Variants in AFG2A observed in about 807,000 individuals in gnomAD.
AFG2A encodes AAA ATPase AFG2A.
the AFG2A span, among the ~76,000 whole-genome samples, chr4:122,955,638 A>T: frequency 6.7e-6 from 1 of 149,036 alleles, no homozygotes; most frequent in Non-Finnish European, 1.5e-5. Context: ...AAAAACAGTT[A>T]GGAAAAGAAA....
chr4:123,140,009 C>T, the AFG2A span, among the ~76,000 whole-genome samples: 1 of 152,000 alleles, frequency 6.6e-6, no homozygotes, highest in African/African-American at 2.4e-5. Context: ...AGATAGGTCA[C>T]TGAGAGATCA....
At chr4:123,269,023 A>C in the AFG2A span, among the ~76,000 whole-genome samples, 1 of 152,244 alleles carries the variant, frequency 6.6e-6, no homozygotes, top group Non-Finnish European at 1.5e-5. Context: ...TTATAAAAGC[A>C]AAGTATTGTC....
At chr4:123,186,748 T>G in the AFG2A span, among the ~76,000 whole-genome samples, 1 of 152,106 alleles carries the variant, frequency 6.6e-6, no homozygotes, top group African/African-American at 2.4e-5. Flanking sequence ...TGAATATATA[T>G]GAGGTTGGTG....
chr4:122,957,483 A>T, the AFG2A span, among the ~76,000 whole-genome samples: 1 of 152,236 alleles, frequency 6.6e-6, no homozygotes, highest in Non-Finnish European at 1.5e-5. Context: ...TAGAATAGGC[A>T]TAAGTGTATC....
chr4:123,155,116 T>G, the AFG2A span, among the ~76,000 whole-genome samples: 2 of 152,156 alleles, frequency 1.3e-5, no homozygotes, highest in African/African-American at 4.8e-5. Context: ...ACACAGAGTC[T>G]CACTCTCGCC....
chr4:123,007,598 GTGTGTGTGTGTA>G, the AFG2A span, among the ~76,000 whole-genome samples: 699 of 8,604 alleles, frequency 0.081, 14 homozygotes, highest in Non-Finnish European at 0.12. Flanking sequence ...GTGTGTGTGT[GTGTGTGTGTGTA>G]TATATATATA....
chr4:123,299,885 G>A, the AFG2A span, among the ~76,000 whole-genome samples: 3 of 152,262 alleles, frequency 2.0e-5, no homozygotes, highest in African/African-American at 7.2e-5. Context: ...ACCTTATCAA[G>A]TGATAATTTA....
chr4:123,091,616 T>TA, the AFG2A span, among the ~76,000 whole-genome samples: 1 of 152,302 alleles, frequency 6.6e-6, no homozygotes, highest in Admixed American at 6.5e-5. Context: ...TTAAAGTAAT[T>TA]AGAATAAAAA....
chr4:123,105,854 A>G, the AFG2A span, among the ~76,000 whole-genome samples: 42 of 152,360 alleles, frequency 2.8e-4, no homozygotes, highest in African/African-American at 9.9e-4. Flanking sequence ...GATGGAATCT[A>G]CTGGTGAAGA....
chr4:123,179,338 CTTAT>C, the AFG2A span, among the ~76,000 whole-genome samples: 1 of 147,532 alleles, frequency 6.8e-6, no homozygotes, highest in East Asian at 1.9e-4. Flanking sequence ...TACTTACTTA[CTTAT>C]ATATGTCTGT....
the AFG2A span, chr4:123,318,832 T>G: frequency 2.0e-5 from 3 of 151,906 alleles, no homozygotes; most frequent in East Asian, 5.8e-4. Context: ...GAATACATGG[T>G]ATATAGTTCA....
At chr4:123,046,562 G>T in the AFG2A span, among the ~76,000 whole-genome samples, 1 of 151,922 alleles carries the variant, frequency 6.6e-6, no homozygotes, top group Non-Finnish European at 1.5e-5. Flanking sequence ...ATATTTTGAT[G>T]TGTATACAAT....
chr4:123,205,321 T>C, the AFG2A span, among the ~76,000 whole-genome samples: 3 of 152,140 alleles, frequency 2.0e-5, no homozygotes. Context: ...TTAGTAGCTG[T>C]ATGAACCTGG....
At chr4:123,142,408 T>C in the AFG2A span, among the ~76,000 whole-genome samples, 24 of 152,280 alleles carry the variant, frequency 1.6e-4, no homozygotes, top group South Asian at 3.7e-3. Flanking sequence ...TCTTAAGTTT[T>C]GGTGAATGTT....
At chr4:122,934,086 C>A in the AFG2A span, 1 of 1,570,686 alleles carries the variant, frequency 6.4e-7, no homozygotes. Flanking sequence ...ATTTAATATA[C>A]TGTTTTCTAG....
At chr4:122,978,818 T>C in the AFG2A span, among the ~76,000 whole-genome samples, 1 of 152,244 alleles carries the variant, frequency 6.6e-6, no homozygotes, top group African/African-American at 2.4e-5. Flanking sequence ...AGGTGGGTCA[T>C]GACAGTGGCT....
At chr4:123,135,500 A>G in the AFG2A span, among the ~76,000 whole-genome samples, 1 of 152,206 alleles carries the variant, frequency 6.6e-6, no homozygotes, top group Non-Finnish European at 1.5e-5. Context: ...ATGATCTTAT[A>G]CAGTTACACC....
chr4:123,208,436 C>T, the AFG2A span, among the ~76,000 whole-genome samples: 1 of 152,166 alleles, frequency 6.6e-6, no homozygotes, highest in Non-Finnish European at 1.5e-5. Context: ...TTAATGGAAC[C>T]TCTTGGCTTA....
At chr4:123,278,462 C>T in the AFG2A span, among the ~76,000 whole-genome samples, 62 of 152,236 alleles carry the variant, frequency 4.1e-4, no homozygotes, top group Non-Finnish European at 6.9e-4. Context: ...TTCAGTTCAG[C>T]TCTCATTTTG....
Sources: gnomAD v4.1 joint callset for allele counts (sites outside exome capture counted in the v4.1 genomes callset) on GRCh38, gnomAD v4.1.1 for gene constraint, MANE v1.5 for transcripts, NCBI Gene and HGNC (gene_info 2026-07-23, HGNC 2026-07-21) for gene names.